PREX2: variants seen among roughly 807,000 people sequenced by gnomAD.
PREX2 encodes phosphatidylinositol-3,4,5-trisphosphate dependent Rac exchange factor 2, also known as phosphatidylinositol 3,4,5-trisphosphate-dependent Rac exchanger 2 protein.
PREX2 carries 107 observed loss-of-function variants against 203.2 expected under a neutral mutation model. That is an observed-to-expected ratio of 0.53 (90% confidence interval 0.45 to 0.62). PREX2 has a LOEUF of 0.62. Ranked by LOEUF, PREX2 falls within the 20% of genes least tolerant of loss-of-function variation. The pLI, the probability that PREX2 is intolerant of heterozygous loss-of-function variation, is 0.00. For synonymous variants in PREX2, 672 were observed against 663.6 expected, an observed-to-expected ratio of 1.01 and a Z score of -0.19; for missense variants, 1,777 against 1,955.9, an observed-to-expected ratio of 0.91 and a Z score of 1.72.
chr8:68,230,467 C>T (rs1813145831), intron 39 of PREX2, among the ~76,000 whole-genome samples: 3 of 152,192 alleles, frequency 2.0e-5, no homozygotes, highest in Admixed American at 2.0e-4. Context: ...TTTAGTTCAG[C>T]CAATCAATCT....
chr8:68,055,971 G>A lies in PREX2; in HGVS notation c.1235G>A (p.Gly412Glu). ...KLTTFPKCFL[G>E]SEFVSWLLEI... is the part of the protein sequence containing the mutation. Reference sequence around the variant, plus strand: ...ACTACGTTCCCTAAATGCTTTCTTGGAAGGTAGGGTTGGGAGTTTGGGTGC... The same window carrying A: ...ACTACGTTCCCTAAATGCTTTCTTGAAAGGTAGGGTTGGGAGTTTGGGTGC... The change falls in exon 10 of 40, where the codon GGA becomes GAA. Residue 412 changes from glycine (G) to glutamate (E), a missense_variant. By Grantham distance (98) the Gly-to-Glu change is moderately conservative. Coordinates refer to ENST00000288368, the MANE Select transcript of PREX2 (RefSeq NM_024870.4). 6.2e-7 allele frequency: 1 copy of A among 1,610,188 alleles called. No homozygotes were observed. The highest frequency in any genetic ancestry group is 8.5e-7 in the Non-Finnish European group (1 of 1,178,856).
chr8:67,990,497 GT>G (rs34722724), intron 1 of PREX2, among the ~76,000 whole-genome samples: 20,523 of 143,280 alleles, frequency 0.14, 1,845 homozygotes, highest in African/African-American at 0.27. Context: ...CTCCCAGGTG[GT>G]TTTTTTTTTT....
At chr8:68,106,899 C>T (rs1356024803) in intron 23 of PREX2, among the ~76,000 whole-genome samples, 4 of 152,114 alleles carry the variant, frequency 2.6e-5, no homozygotes, top group Admixed American at 1.3e-4. Flanking sequence ...ACTTGCCTAA[C>T]ATCATATCAG....
chr8:68,048,952 A>G (rs1808441644), intron 8 of PREX2, among the ~76,000 whole-genome samples: 1 of 151,982 alleles, frequency 6.6e-6, no homozygotes, highest in Admixed American at 6.6e-5. Context: ...TCTTAATTAA[A>G]ACGTAACAAT....
At chr8:67,980,074 T>C (rs1222139946) in intron 1 of PREX2, among the ~76,000 whole-genome samples, 1 of 152,170 alleles carries the variant, frequency 6.6e-6, no homozygotes. Flanking sequence ...GAAAGAAGTA[T>C]AGGAATTTGA....
intron 1 of PREX2, among the ~76,000 whole-genome samples, chr8:67,961,836 G>A (rs926244912): frequency 6.6e-6 from 1 of 152,124 alleles, no homozygotes; most frequent in African/African-American, 2.4e-5. Context: ...TACAAAAAGG[G>A]ATCTATTTTG....
In PREX2 at chr8:68,058,063, G is replaced by A. The variant is rs888381773; in HGVS notation, c.1238+2089G>A. Reference sequence around the variant, plus strand: ...TTTTCCATAACAGCACACTACTGCCGCTTACAGCGCAAGTTTGAGATCATT... The same window carrying A: ...TTTTCCATAACAGCACACTACTGCCACTTACAGCGCAAGTTTGAGATCATT... On this transcript the variant is annotated intron_variant, in intron 10 of 39. Transcript: ENST00000288368. 4.6e-5 allele frequency among the ~76,000 whole-genome samples: 7 copies of A among 152,308 alleles called. No homozygotes were observed. In the East Asian group the frequency reaches 1.4e-3, roughly 29 times the overall value.
rs186776590 is a variant in PREX2 at position 68,030,491 on chromosome 8, A to C, written c.544-6A>C. 2 of 1,612,492 alleles carry C rather than the reference A, an allele frequency of 1.2e-6. No individual in the cohort carries two copies. Among genetic ancestry groups the C allele is most frequent in the East Asian group, 4.5e-5 (2 of 44,814 alleles). ...AAGGGCGATTTGTTTTTTTGTGTAT[A>C]AACAGGAGTTGCTGAAGCGGACTCC... On this transcript the variant is annotated splice_polypyrimidine_tract_variant and splice_region_variant and intron_variant, in intron 5 of 39. Coordinates refer to ENST00000288368, the MANE Select transcript of PREX2 (RefSeq NM_024870.4).
chr8:68,001,987 CT>C (rs1363977601), intron 1 of PREX2, among the ~76,000 whole-genome samples: 1 of 151,888 alleles, frequency 6.6e-6, no homozygotes, highest in Non-Finnish European at 1.5e-5. Context: ...AAATACTAGG[CT>C]TAGCACCTGG....
chr8:67,956,872 T>G (rs1167150402), intron 1 of PREX2, among the ~76,000 whole-genome samples: 2 of 152,272 alleles, frequency 1.3e-5, no homozygotes, highest in African/African-American at 2.4e-5. Flanking sequence ...CTGTCCAGGC[T>G]TTGATCTTGG....
chr8:67,952,507 A>T lies in PREX2; in HGVS notation c.113A>T (p.Tyr38Phe), dbSNP rs753717348. The T allele has an allele frequency of 6.2e-7, 1 of 1,610,246 alleles. No homozygotes were observed. Among genetic ancestry groups the T allele is most frequent in the Non-Finnish European group, 8.5e-7 (1 of 1,178,358 alleles). The change falls in exon 1 of 40, where the codon TAT (tyrosine) becomes TTT (phenylalanine). Residue 38 changes from tyrosine to phenylalanine, a missense_variant. Coordinates refer to ENST00000288368, the MANE Select transcript of PREX2 (RefSeq NM_024870.4). ...GAGCTCCAGAAGACCGAGCGGGACT[A>T]TGTGGGCACGCTGGAGTTCCTGGTG... ...LSELQKTERD[Y>F]VGTLEFLVSA... is the part of the protein sequence containing the mutation.
At chr8:68,228,944 T>TAAAAA (rs58993264) in intron 39 of PREX2, among the ~76,000 whole-genome samples, 1 of 103,528 alleles carries the variant, frequency 9.7e-6, no homozygotes, top group African/African-American at 4.0e-5. Flanking sequence ...CTTGTCTCTT[T>TAAAAA]AAAAAAAAAA....
At chr8:68,009,779 C>T (rs1807210318) in intron 1 of PREX2, among the ~76,000 whole-genome samples, 1 of 152,070 alleles carries the variant, frequency 6.6e-6, no homozygotes, top group Non-Finnish European at 1.5e-5. Context: ...ATAAACTAGT[C>T]TTATGAATTG....
chr8:68,187,672 G>A (rs1812215873), intron 35 of PREX2, among the ~76,000 whole-genome samples: 1 of 152,142 alleles, frequency 6.6e-6, no homozygotes, highest in Non-Finnish European at 1.5e-5. Flanking sequence ...CTTGAGAAAA[G>A]GCATGAAGAC....
At position 67,973,004 on chromosome 8, in the gene PREX2, T is replaced by C. The variant is rs543361957; in HGVS notation, c.141+20469T>C. ...TGTAATTGGTCTTCTCTGGTCTCCC[T>C]GGACTGGAAGGCTCAGTGTCATCTT... On this transcript the variant is annotated intron_variant, in intron 1 of 39. Coordinates refer to ENST00000288368, the MANE Select transcript of PREX2 (RefSeq NM_024870.4). Among the ~76,000 whole-genome samples, 10 of 152,316 alleles carry C rather than the reference T, an allele frequency of 6.6e-5. No individual in the cohort carries two copies. In the South Asian group the frequency reaches 2.1e-3, roughly 32 times the overall value.
chr8:68,034,041 T>G (rs1037420782), intron 6 of PREX2, among the ~76,000 whole-genome samples: 1 of 152,176 alleles, frequency 6.6e-6, no homozygotes, highest in Admixed American at 6.6e-5. Context: ...ATTTGGCAAA[T>G]TCTTTGGATT....
At position 68,115,728 on chromosome 8, in the gene PREX2, A is replaced by ATT. The variant is rs35346688; in HGVS notation, c.3147-17_3147-16dup. On this transcript the variant is annotated intron_variant, in intron 25 of 39. Coordinates refer to ENST00000288368, the MANE Select transcript of PREX2 (RefSeq NM_024870.4). ...TATAGCAGACAGTTTGAAAATGTGC[A>ATT]TTTTTTTTTAATATTACATTGCAGC... 2.6e-6 allele frequency: 4 copies of ATT among 1,533,436 alleles called. No individual in the cohort carries two copies. In the African/African-American group the frequency reaches 4.2e-5, roughly 16 times the overall value. The allele number at this position is 1,533,436 out of a possible 1,614,324, so 95.0% of individuals were successfully genotyped here.
At chr8:68,066,511 TC>T (rs1809020518) in intron 11 of PREX2, among the ~76,000 whole-genome samples, 2 of 152,178 alleles carry the variant, frequency 1.3e-5, no homozygotes, top group South Asian at 2.1e-4. Context: ...CATCTTTATT[TC>T]TTTTTTTGAG....
chr8:68,210,344 T>C (rs1812719574), intron 37 of PREX2, among the ~76,000 whole-genome samples: 1 of 152,190 alleles, frequency 6.6e-6, no homozygotes, highest in South Asian at 2.1e-4. Context: ...TAGATTTTCA[T>C]GTGTTTTATT....
Sources: gnomAD v4.1 joint callset for allele counts (sites outside exome capture counted in the v4.1 genomes callset) on GRCh38, gnomAD v4.1.1 for gene constraint, MANE v1.5 for transcripts, NCBI Gene and HGNC (gene_info 2026-07-23, HGNC 2026-07-21) for gene names.